GRK7: variants seen among roughly 807,000 people sequenced by gnomAD.
The protein encoded by GRK7 is G protein-coupled receptor kinase 7.
In GRK7, 24 loss-of-function variants were observed where a neutral mutation model predicts 34.1. The ratio of observed to expected loss-of-function variants is 0.70; its 90% CI spans 0.51 to 0.99. The LOEUF (loss-of-function observed/expected upper bound fraction) is 0.99. GRK7 is among the 50% of genes least tolerant of loss of function. The pLI is 0.00. For missense variants in GRK7, 644 were observed against 707.3 expected (o/e 0.91, Z 1.02); for synonymous variants, 256 against 279.4 (o/e 0.92, Z 0.84).
At chr3:141,782,531 T>C (rs1020405867) in intron 4 of GRK7, among the ~76,000 whole-genome samples, 3 of 152,084 alleles carry the variant, frequency 2.0e-5, no homozygotes, top group African/African-American at 7.2e-5. Flanking sequence ...AGACCTGGGA[T>C]AGACGTGGGG....
chr3:141,814,781 T>C (rs1711133555), intron 5 of GRK7, among the ~76,000 whole-genome samples: 1 of 152,160 alleles, frequency 6.6e-6, no homozygotes, highest in South Asian at 2.1e-4. Flanking sequence ...TATTTTTAGT[T>C]CTTCGAGAAC....
At chr3:141,774,714 A>G (rs540995555) in intron 2 of GRK7, among the ~76,000 whole-genome samples, 34 bp downstream of exon 2, 1 of 152,078 alleles carries the variant, frequency 6.6e-6, no homozygotes, top group Admixed American at 6.5e-5. Flanking sequence ...GGTAGGTACC[A>G]TATTATCATT....
chr3:141,791,603 C>T (rs1388180129), intron 4 of GRK7, among the ~76,000 whole-genome samples: 1 of 152,206 alleles, frequency 6.6e-6, no homozygotes. Flanking sequence ...TCTGTAATTA[C>T]TTTTAACATT....
chr3:141,769,947 C>A (rs1230202988), intron 1 of GRK7, among the ~76,000 whole-genome samples: 1 of 152,176 alleles, frequency 6.6e-6, no homozygotes, highest in Non-Finnish European at 1.5e-5. Context: ...CAGAGCCTTG[C>A]CCTGTCGCCC....
In GRK7 at chr3:141,778,150, C is replaced by G; in HGVS notation, c.-113-22C>G. On this transcript the variant is annotated intron_variant, in intron 2 of 5. Coordinates refer to ENST00000682958, the MANE Select transcript of GRK7 (RefSeq NM_139209.3). The surrounding 1 kb of genome is among the most constrained non-coding windows in gnomAD (Gnocchi z 4.1). ...CTTACAAGAGAAACCTCTTTCACAC[C>G]CTCCACGGGTCCCACCCACAGGCCA... is the stretch of plus-strand genomic sequence containing the variant. 1 of 1,111,176 alleles carries G rather than the reference C, an allele frequency of 9.0e-7. No homozygotes were observed. Among genetic ancestry groups the G allele is most frequent in the South Asian group, 1.7e-5 (1 of 59,010 alleles). The allele number at this position is 1,111,176 out of a possible 1,614,324, so 68.8% of individuals were successfully genotyped here.
chr3:141,772,039 A>G (rs904889480), intron 1 of GRK7, among the ~76,000 whole-genome samples: 3 of 151,774 alleles, frequency 2.0e-5, no homozygotes, highest in Non-Finnish European at 2.9e-5. Context: ...ACAATCAACA[A>G]CTTGAAGCTA....
chr3:141,762,829 G>A (rs912348755), upstream of GRK7, among the ~76,000 whole-genome samples: 1 of 152,244 alleles, frequency 6.6e-6, no homozygotes. Context: ...TAATCTCGTG[G>A]TGTGCCGTTC....
At chr3:141,804,245 G>A (rs1289333485) in intron 4 of GRK7, among the ~76,000 whole-genome samples, 1 of 152,128 alleles carries the variant, frequency 6.6e-6, no homozygotes, top group East Asian at 1.9e-4. Context: ...GAGGCTGGGA[G>A]AGATGTTGTC....
At chr3:141,762,293 G>A (rs1022044328), upstream of GRK7, among the ~76,000 whole-genome samples, 7 of 151,806 alleles carry the variant, frequency 4.6e-5, no homozygotes, top group Admixed American at 2.0e-4. Flanking sequence ...ATGGGTTTTC[G>A]GTGTGGATGT....
chr3:141,810,825 C>T (rs550703143), intron 5 of GRK7, among the ~76,000 whole-genome samples: 10 of 152,202 alleles, frequency 6.6e-5, no homozygotes, highest in South Asian at 2.1e-4. Context: ...GTGTCTTCTG[C>T]GTGCCCAGGA....
In GRK7 at chr3:141,817,759, C is replaced by A. The variant is rs564412814; in HGVS notation, c.*709C>A. 1 of 152,160 alleles carries A rather than the reference C, an allele frequency of 6.6e-6. No individual in the cohort carries two copies. Among genetic ancestry groups the A allele is most frequent in the Non-Finnish European group, 1.5e-5 (1 of 68,042 alleles). The allele number at this position is 152,160 out of a possible 1,614,324, so 9.4% of individuals were successfully genotyped here. ...TTCAACTTGCACTACCATATGCCAT[C>A]GGTTCCCAAACTCTGCTGAACTTTG... On this transcript the variant is annotated 3_prime_UTR_variant, in exon 6 of 6. Transcript: ENST00000682958.
At chr3:141,783,999 A>G (rs572584688) in intron 4 of GRK7, among the ~76,000 whole-genome samples, 1 of 152,188 alleles carries the variant, frequency 6.6e-6, no homozygotes. Flanking sequence ...TGTATTGTCC[A>G]TTGTGCTGAG....
rs139692808 is a variant in GRK7 at position 141,775,338 on chromosome 3, G to T, written c.-114+658G>T. Among the ~76,000 whole-genome samples the T allele has an allele frequency of 3.3e-3, 508 of 152,224 alleles. 4 individuals carry two copies. In the Middle Eastern group the frequency reaches 0.048, roughly 14 times the overall value. The stretch of plus-strand genomic sequence containing the variant: ...GGAGGCAGAGGTTGCAGTGAGCTAA[G>T]ATCACGCCACTGCACCCTAGCCTGG... On this transcript the variant is annotated intron_variant, in intron 2 of 5. Transcript: ENST00000682958.
At chr3:141,770,717 A>C (rs1328904383) in intron 1 of GRK7, among the ~76,000 whole-genome samples, 2 of 152,218 alleles carry the variant, frequency 1.3e-5, no homozygotes, top group East Asian at 3.8e-4. Flanking sequence ...ACCTCACACC[A>C]GTCAGAACAG....
intron 5 of GRK7, among the ~76,000 whole-genome samples, chr3:141,812,200 G>A (rs1289136292): frequency 4.6e-5 from 7 of 152,140 alleles, no homozygotes; most frequent in Admixed American, 6.5e-5. Context: ...TCCATAGTAC[G>A]AGAGCCTCTG....
chr3:141,816,015 T>C (rs1414385434), intron 5 of GRK7, among the ~76,000 whole-genome samples: 1 of 152,182 alleles, frequency 6.6e-6, no homozygotes, highest in African/African-American at 2.4e-5. Flanking sequence ...CACTAAATTT[T>C]GGGGCAATTT....
At position 141,774,652 on chromosome 3, in the gene GRK7, C is replaced by A. The variant is rs897035819; in HGVS notation, c.-142C>A. Among the ~76,000 whole-genome samples, 11 of 152,054 alleles carry A rather than the reference C, an allele frequency of 7.2e-5. No homozygotes were observed. The highest frequency in any genetic ancestry group is 1.2e-4 in the Non-Finnish European group (8 of 68,006). ...AGGCATTTGCTCCTCCGAAGAAATT[C>A]TCAGACTGATTTTTCACTGTATTGT... On this transcript the variant is annotated 5_prime_UTR_variant, in exon 2 of 6. Transcript: ENST00000682958.
In GRK7 at chr3:141,778,302, C is replaced by T; in HGVS notation, c.18C>T (p.Ala6=). The change falls in exon 3 of 6, where the codon GCC becomes GCT. Residue 6 remains alanine, a synonymous_variant. Coordinates refer to ENST00000682958, the MANE Select transcript of GRK7 (RefSeq NM_139209.3). The surrounding 1 kb of genome is among the most constrained non-coding windows in gnomAD (Gnocchi z 4.1). MVDMG[A]LDNLIANTAY... ...GCTCAGCCATGGTGGACATGGGGGC[C>T]CTGGACAACCTGATCGCCAACACCG... 2 of 1,578,508 alleles carry T rather than the reference C, an allele frequency of 1.3e-6. No homozygotes were observed. Among genetic ancestry groups the T allele is most frequent in the South Asian group, 1.2e-5 (1 of 85,720 alleles).
At chr3:141,809,486 C>A (rs1711071622) in intron 5 of GRK7, among the ~76,000 whole-genome samples, 1 of 151,936 alleles carries the variant, frequency 6.6e-6, no homozygotes, top group South Asian at 2.1e-4. Context: ...TTGCTTGAGC[C>A]CAGGAGTTCA....
Sources: gnomAD v4.1 joint callset for allele counts (sites outside exome capture counted in the v4.1 genomes callset) on GRCh38, gnomAD v4.1.1 for gene constraint, Gnocchi (gnomAD v3.1) non-coding constraint, MANE v1.5 for transcripts, NCBI Gene and HGNC (gene_info 2026-07-23, HGNC 2026-07-21) for gene names.